GPC5: variants seen among roughly 807,000 people sequenced by gnomAD.
The protein encoded by GPC5 is glypican 5, also known as glypican-5.
Under a neutral mutation model 53.9 loss-of-function variants are expected in GPC5, and 47 were observed. The observed-to-expected ratio is 0.87, with a 90% CI of 0.69 to 1.11. The LOEUF (loss-of-function observed/expected upper bound fraction) is 1.11, where lower values mean the gene tolerates loss of function less well. Ranked by LOEUF, GPC5 falls within the 50% of genes most tolerant of loss-of-function variation. The pLI is 0.00. For missense variants in GPC5, 748 were observed against 713.1 expected, an observed-to-expected ratio of 1.05 and a Z score of -0.56; for synonymous variants, 286 against 263.3, an observed-to-expected ratio of 1.09 and a Z score of -0.84.
intron 7 of GPC5, among the ~76,000 whole-genome samples, chr13:92,734,592 A>G (rs1888889602): frequency 6.6e-6 from 1 of 151,942 alleles, no homozygotes; most frequent in Admixed American, 6.6e-5. Flanking sequence ...AGAAATCTGT[A>G]TCACTTCAGT....
At chr13:92,757,584 T>G (rs1285638178) in intron 7 of GPC5, among the ~76,000 whole-genome samples, 1 of 152,192 alleles carries the variant, frequency 6.6e-6, no homozygotes, top group Non-Finnish European at 1.5e-5. Context: ...CCTACTCATC[T>G]GAAAAAGGGC....
rs138782728 is a variant in GPC5, at chr13:92,141,843, A to G, written c.1402-2987A>G. ...ACTCAGTTGTAGGAATGAAGACTTC[A>G]ATTCCTTGCTGGCTGCAAGGCAGGT... is the stretch of plus-strand genomic sequence containing the variant. On this transcript the variant is annotated intron_variant, in intron 6 of 7. Transcript: ENST00000377067. 5.8e-3 allele frequency among the ~76,000 whole-genome samples: 878 copies of G among 152,180 alleles called. 10 individuals are homozygous for G. The highest frequency in any genetic ancestry group is 0.027 in the Middle Eastern group (8 of 294).
At chr13:91,680,422 C>T (rs551063338) in intron 2 of GPC5, among the ~76,000 whole-genome samples, 42 of 152,158 alleles carry the variant, frequency 2.8e-4, no homozygotes, top group Non-Finnish European at 5.1e-4. Flanking sequence ...GCACTCCAGC[C>T]TGGGCGACAG....
chr13:92,325,021 T>A (rs1022408059), intron 7 of GPC5, among the ~76,000 whole-genome samples: 3 of 151,650 alleles, frequency 2.0e-5, no homozygotes, highest in African/African-American at 7.3e-5. Context: ...ATACGTAAAA[T>A]ATGTTATATG....
chr13:92,747,078 A>C lies in GPC5; in HGVS notation c.1562-119204A>C, dbSNP rs573996388. Reference sequence around the variant, plus strand: ...AGGTACAGTAAAGGTACAGTTATACAATCTTATGGGACCACTATCATATAT... The same window carrying C: ...AGGTACAGTAAAGGTACAGTTATACCATCTTATGGGACCACTATCATATAT... On this transcript the variant is annotated intron_variant, in intron 7 of 7. Coordinates refer to ENST00000377067, the MANE Select transcript of GPC5 (RefSeq NM_004466.6). Among the ~76,000 whole-genome samples the C allele has an allele frequency of 3.9e-5, 6 of 152,256 alleles. No individual in the cohort carries two copies. The East Asian group carries it at 1.2e-3, about 29-fold the overall frequency.
intron 7 of GPC5, among the ~76,000 whole-genome samples, chr13:92,476,875 C>T (rs2139428450): frequency 8.1e-6 from 1 of 122,844 alleles, no homozygotes; most frequent in African/African-American, 3.2e-5. Flanking sequence ...AGGGGAATAT[C>T]ACACTCTGGG....
chr13:92,700,597 T>C (rs1040282647), intron 7 of GPC5, among the ~76,000 whole-genome samples: 2 of 152,070 alleles, frequency 1.3e-5, no homozygotes, highest in African/African-American at 2.4e-5. Flanking sequence ...TTTTCAAATG[T>C]GTTTCTGCTT....
chr13:92,421,651 A>T (rs1876567823), intron 7 of GPC5, among the ~76,000 whole-genome samples: 1 of 140,432 alleles, frequency 7.1e-6, no homozygotes, highest in South Asian at 2.3e-4. Context: ...GTGAGCTGAG[A>T]TCGCGCCACT....
intron 5 of GPC5, among the ~76,000 whole-genome samples, chr13:91,781,323 T>A (rs1303850630): frequency 3.3e-5 from 5 of 152,230 alleles, no homozygotes; most frequent in African/African-American, 1.2e-4. Context: ...ACAAAACACA[T>A]GCTATACTTA....
intron 6 of GPC5, among the ~76,000 whole-genome samples, chr13:92,117,702 T>C (rs1030319254): frequency 1.3e-5 from 2 of 152,192 alleles, no homozygotes; most frequent in Non-Finnish European, 2.9e-5. Context: ...CATATTTTTG[T>C]AAATTCATAA....
intron 7 of GPC5, among the ~76,000 whole-genome samples, chr13:92,732,341 C>T (rs1231237064): frequency 6.6e-6 from 1 of 151,550 alleles, no homozygotes; most frequent in African/African-American, 2.4e-5. Context: ...TCTTGAGCTT[C>T]TCACTTATAT....
At chr13:92,284,991 C>T (rs1193811050) in intron 7 of GPC5, among the ~76,000 whole-genome samples, 1 of 152,116 alleles carries the variant, frequency 6.6e-6, no homozygotes, top group African/African-American at 2.4e-5. Flanking sequence ...ATCTAGATAA[C>T]CCCATCGTCT....
At chr13:92,685,516 A>G (rs995432817) in intron 7 of GPC5, among the ~76,000 whole-genome samples, 1 of 150,338 alleles carries the variant, frequency 6.7e-6, no homozygotes. Context: ...TAAAAAAATA[A>G]TCAAGTTATT....
Position 92,594,224 on chromosome 13 carries a change from G to C in GPC5, c.1562-272058G>C, listed in dbSNP as rs1883799599. ...AGTGTGAAATGGAACTAAAAACAGG[G>C]TTGATTGAAGGTATTTTAAGTAGCT... On this transcript the variant is annotated intron_variant, in intron 7 of 7. Coordinates refer to ENST00000377067, the MANE Select transcript of GPC5 (RefSeq NM_004466.6). Among the ~76,000 whole-genome samples the C allele has an allele frequency of 1.3e-5, 2 of 152,094 alleles. 1 individual carries two copies. The highest frequency in any genetic ancestry group is 4.2e-4 in the South Asian group (2 of 4,818).
chr13:92,661,347 AT>A (rs1886336403), intron 7 of GPC5, among the ~76,000 whole-genome samples: 1 of 151,810 alleles, frequency 6.6e-6, no homozygotes, highest in East Asian at 1.9e-4. Context: ...AAAAAAAAAA[AT>A]AGACAATTAT....
At chr13:91,956,199 G>C (rs2139067520) in intron 6 of GPC5, among the ~76,000 whole-genome samples, 1 of 151,980 alleles carries the variant, frequency 6.6e-6, no homozygotes. Flanking sequence ...ATGCCACCTG[G>C]TGGCATGGAT....
chr13:92,580,785 T>C (rs1431333850), intron 7 of GPC5, among the ~76,000 whole-genome samples: 1 of 152,158 alleles, frequency 6.6e-6, no homozygotes, highest in Non-Finnish European at 1.5e-5. Flanking sequence ...GGTGCTAAAC[T>C]GTTCATGAGA....
chr13:92,387,476 G>T (rs1039444687), intron 7 of GPC5, among the ~76,000 whole-genome samples: 1 of 152,098 alleles, frequency 6.6e-6, no homozygotes, highest in South Asian at 2.1e-4. Context: ...AGCCAGTGAG[G>T]CAGAAGAGTG....
chr13:92,035,806 G>A (rs1015365381), intron 6 of GPC5, among the ~76,000 whole-genome samples: 4 of 147,486 alleles, frequency 2.7e-5, no homozygotes, highest in African/African-American at 1.0e-4. Flanking sequence ...CTGATTTAGT[G>A]AGAAGCTTTT....
Sources: allele counts gnomAD v4.1 joint callset (sites outside exome capture counted in the v4.1 genomes callset), GRCh38; gene constraint gnomAD v4.1.1; transcripts MANE v1.5; gene names NCBI Gene and HGNC (gene_info 2026-07-23, HGNC 2026-07-21).